INPP5B: variants seen among roughly 807,000 people sequenced by gnomAD.
INPP5B encodes type II inositol 1,4,5-trisphosphate 5-phosphatase.
In INPP5B, 90 loss-of-function variants were observed where a neutral mutation model predicts 118.5. The observed-to-expected ratio is 0.76, with a 90% CI of 0.64 to 0.90. The LOEUF is 0.90. INPP5B is among the 40% of genes least tolerant of loss of function. The pLI is 0.00. For missense variants in INPP5B, 984 were observed against 1,125.6 expected, an observed-to-expected ratio of 0.87 and a Z score of 1.80; for synonymous variants, 385 against 418.9, an observed-to-expected ratio of 0.92 and a Z score of 0.99.
At chr1:37,887,508 G>GTGTCATT in intron 10 of INPP5B, 43 bp from the exon 11 acceptor site, 1 of 1,164,802 alleles carries the variant, frequency 8.6e-7, no homozygotes, top group Non-Finnish European at 1.3e-6. Context: ...GAAAAGTAAT[G>GTGTCATT]TGCAAATGAC....
chr1:37,895,659 C>G (rs569735587), intron 7 of INPP5B, among the ~76,000 whole-genome samples: 6 of 152,054 alleles, frequency 3.9e-5, no homozygotes, highest in Non-Finnish European at 8.8e-5. Flanking sequence ...ATTGCAGGCG[C>G]GCGCCGCCAC....
Position 37,887,546 on chromosome 1 carries a change from A to C in INPP5B, c.900-81T>G. The C allele has an allele frequency of 3.8e-6, 3 of 787,440 alleles. No homozygotes were observed. In the South Asian group the frequency reaches 5.0e-5, roughly 13 times the overall value. The allele number at this position is 787,440 out of a possible 1,614,324, so 48.8% of individuals were successfully genotyped here. The stretch of plus-strand genomic sequence containing the variant: ...ATTCTCAGATTGGTTTAGGTGCATA[A>C]GCCCTAGCTTTCTAGCTAAACTTCA... On this transcript the variant is annotated intron_variant, in intron 10 of 23. Transcript: ENST00000373024.
chr1:37,923,812 G>A (rs553008009), intron 7 of INPP5B, among the ~76,000 whole-genome samples: 1 of 151,218 alleles, frequency 6.6e-6, no homozygotes, highest in Non-Finnish European at 1.5e-5. Flanking sequence ...GTCTCGCTGT[G>A]TCGCCCAGGC....
chr1:37,876,700 A>C (rs918931931), intron 16 of INPP5B, among the ~76,000 whole-genome samples: 1 of 128,304 alleles, frequency 7.8e-6, no homozygotes, highest in African/African-American at 2.6e-5. Flanking sequence ...TCTACTAAAA[A>C]TACAAAAAAA....
At chr1:37,897,218 C>A in intron 7 of INPP5B, among the ~76,000 whole-genome samples, 1 of 151,678 alleles carries the variant, frequency 6.6e-6, no homozygotes, top group Non-Finnish European at 1.5e-5. Context: ...CGGCCACCAC[C>A]CCGTCTGGGA....
chr1:37,903,282 G>A (rs1400982500), intron 7 of INPP5B, among the ~76,000 whole-genome samples: 2 of 152,154 alleles, frequency 1.3e-5, no homozygotes, highest in Non-Finnish European at 2.9e-5. Flanking sequence ...AGATGGCCAC[G>A]AGAATGACCT....
intron 19 of INPP5B, 78 bp downstream of exon 19, chr1:37,872,852 G>T: frequency 9.5e-7 from 1 of 1,052,226 alleles, no homozygotes; most frequent in Non-Finnish European, 1.4e-6. Flanking sequence ...TCCCTAGGAA[G>T]GTAGGCATAG....
intron 19 of INPP5B, among the ~76,000 whole-genome samples, chr1:37,869,728 C>A (rs1048857078): frequency 6.6e-6 from 1 of 151,392 alleles, no homozygotes; most frequent in Non-Finnish European, 1.5e-5. Flanking sequence ...GATCCACCCG[C>A]CTCAGCCTCC....
At chr1:37,944,993 G>C (rs1389695890) in intron 3 of INPP5B, among the ~76,000 whole-genome samples, 1 of 152,116 alleles carries the variant, frequency 6.6e-6, no homozygotes. Context: ...GTTCCACCAG[G>C]TGCGGTGGCT....
In INPP5B at chr1:37,882,930, GAGCACAA is replaced by G; in HGVS notation, c.1320-19_1320-13del. ...GCCACAAGATCACACTGTGAGGACA[GAGCACAA>G]AGGTAACAGGGTTTAGGAGGAACTT... is the stretch of plus-strand genomic sequence containing the variant. On this transcript the variant is annotated splice_polypyrimidine_tract_variant and intron_variant, in intron 13 of 23. Transcript: ENST00000373024. 6.2e-7 allele frequency: 1 copy of G among 1,614,068 alleles called. No homozygotes were observed. The highest frequency in any genetic ancestry group is 1.3e-5 in the African/African-American group (1 of 75,026).
intron 10 of INPP5B, among the ~76,000 whole-genome samples, chr1:37,888,024 G>A (rs1441324573): frequency 6.6e-6 from 1 of 152,186 alleles, no homozygotes; most frequent in East Asian, 1.9e-4. Context: ...TTTAACAGAA[G>A]ATTACACTAA....
At chr1:37,896,188 G>A (rs530609830) in intron 7 of INPP5B, among the ~76,000 whole-genome samples, 40 of 148,718 alleles carry the variant, frequency 2.7e-4, no homozygotes, top group African/African-American at 8.2e-4. Context: ...TGTGAGGAGC[G>A]TCTCTGCCCG....
intron 10 of INPP5B, 39 bp downstream of exon 10, chr1:37,888,204 G>A: frequency 2.3e-6 from 3 of 1,294,932 alleles, no homozygotes; most frequent in Non-Finnish European, 3.1e-6. Context: ...AGCTCTGTGT[G>A]CTTGAAGATG....
chr1:37,931,137 T>A (rs762579136), intron 7 of INPP5B: 10 of 183,340 alleles, frequency 5.5e-5, no homozygotes, highest in Non-Finnish European at 9.2e-5. Context: ...CTAGTCCTTT[T>A]ATAACCTGTA....
At position 37,885,617 on chromosome 1, in the gene INPP5B, G is replaced by C. The variant is rs761061000; in HGVS notation, c.1319+21C>G. 3.1e-6 allele frequency: 5 copies of C among 1,610,212 alleles called. No individual in the cohort carries two copies. The Admixed American group carries it at 8.3e-5, about 27-fold the overall frequency. On this transcript the variant is annotated intron_variant, in intron 13 of 23. Coordinates refer to ENST00000373024, the MANE Select transcript of INPP5B (RefSeq NM_005540.3). ...TCTATGTACTCATGGTGAACCGCAT[G>C]GGGTGGAAGCCCAGACTCACTCATG...
intron 14 of INPP5B, 79 bp from the exon 15 acceptor site, chr1:37,880,273 T>C (rs1461350913): frequency 2.8e-6 from 3 of 1,075,598 alleles, no homozygotes; most frequent in African/African-American, 3.1e-5. Context: ...AGCATATCAA[T>C]CTGGAATTCA....
At chr1:37,928,044 A>G (rs560294074) in intron 7 of INPP5B, among the ~76,000 whole-genome samples, 4 of 152,278 alleles carry the variant, frequency 2.6e-5, no homozygotes, top group Admixed American at 6.5e-5. Flanking sequence ...GGCTCACGCT[A>G]CAAGGAACAC....
chr1:37,887,188 C>T (rs1011727944), intron 11 of INPP5B, among the ~76,000 whole-genome samples, 163 bp downstream of exon 11: 1 of 152,166 alleles, frequency 6.6e-6, no homozygotes, highest in African/African-American at 2.4e-5. Context: ...CGAGACCCTG[C>T]ATCTTTCCCA....
chr1:37,862,818 A>G (rs1020903692), intron 23 of INPP5B, among the ~76,000 whole-genome samples: 1 of 152,330 alleles, frequency 6.6e-6, no homozygotes, highest in Middle Eastern at 3.4e-3. Context: ...ACTAGAGGCC[A>G]GGAGTTCAAG....
Sources: gnomAD v4.1 joint callset for allele counts (sites outside exome capture counted in the v4.1 genomes callset) on GRCh38, gnomAD v4.1.1 for gene constraint, MANE v1.5 for transcripts, NCBI Gene and HGNC (gene_info 2026-07-23, HGNC 2026-07-21) for gene names.